Variants in PITPNC1 observed in about 807,000 individuals in gnomAD.
The protein encoded by PITPNC1 is cytoplasmic phosphatidylinositol transfer protein 1.
A neutral mutation model predicts 44.7 loss-of-function variants in PITPNC1; 18 were observed. The observed-to-expected ratio is 0.40, with a 90% CI of 0.28 to 0.60. The LOEUF (loss-of-function observed/expected upper bound fraction) is 0.60, where lower values mean the gene tolerates loss of function less well. Ranked by LOEUF, PITPNC1 falls within the 20% of genes least tolerant of loss-of-function variation. The pLI is 0.39. For missense variants in PITPNC1, 290 were observed against 418.4 expected, an observed-to-expected ratio of 0.69 and a Z score of 2.68; for synonymous variants, 141 against 149.6, an observed-to-expected ratio of 0.94 and a Z score of 0.42.
intron 6 of PITPNC1, among the ~76,000 whole-genome samples, chr17:67,647,457 ATTTTGGGT>A (rs1314008608): frequency 2.1e-5 from 2 of 94,020 alleles, no homozygotes; most frequent in African/African-American, 4.6e-5. Context: ...CACCCAGCTA[ATTTTGGGT>A]TTTTTTTTTT....
At chr17:67,622,118 G>A (rs1209159247) in intron 5 of PITPNC1, among the ~76,000 whole-genome samples, 7 of 151,998 alleles carry the variant, frequency 4.6e-5, no homozygotes, top group Non-Finnish European at 7.4e-5. Context: ...TTAGCTGGGC[G>A]CGGTGGTGGG....
intron 1 of PITPNC1, chr17:67,379,109 T>C (rs1177172907): frequency 1.0e-6 from 1 of 986,024 alleles, no homozygotes; most frequent in Middle Eastern, 5.2e-4. Context: ...TTGTGGTGAT[T>C]CCACGACTGC....
intron 5 of PITPNC1, among the ~76,000 whole-genome samples, chr17:67,616,879 G>C (rs117135708): frequency 6.6e-6 from 1 of 152,118 alleles, no homozygotes; most frequent in Non-Finnish European, 1.5e-5. Flanking sequence ...GATGAGCCAC[G>C]CCTGAAGTTA....
At chr17:67,425,197 GCACACGCACACACACA>G (rs1193613359) in intron 1 of PITPNC1, among the ~76,000 whole-genome samples, 1,414 of 98,450 alleles carry the variant, frequency 0.014, 124 homozygotes, top group African/African-American at 0.04. Flanking sequence ...GCGCGCGCAC[GCACACGCACACACACA>G]CACACACACA....
At chr17:67,632,115 C>T in intron 5 of PITPNC1, 28 bp from the exon 6 acceptor site, 4 of 1,452,176 alleles carry the variant, frequency 2.8e-6, no homozygotes, top group Non-Finnish European at 2.9e-6. Context: ...CTATCACTAA[C>T]CTTTGATATG....
At chr17:67,474,261 C>G (rs891034795) in intron 1 of PITPNC1, among the ~76,000 whole-genome samples, 1 of 152,154 alleles carries the variant, frequency 6.6e-6, no homozygotes, top group Non-Finnish European at 1.5e-5. Flanking sequence ...ATTTCCATGT[C>G]AGGAAGGAGA....
At chr17:67,418,836 C>G (rs1432139134) in intron 1 of PITPNC1, among the ~76,000 whole-genome samples, 1 of 152,178 alleles carries the variant, frequency 6.6e-6, no homozygotes, top group Non-Finnish European at 1.5e-5. Context: ...GCCGGGATTA[C>G]AGGCGTGAGC....
rs2037890837 is a variant in PITPNC1 at position 67,377,609 on chromosome 17, G to A, written c.-546G>A. ...TGTTTACCGCCCGCGGAGAGAAGCC[G>A]ATCGAGCCTTTGTCTGGAAAGTCAG... is the stretch of plus-strand genomic sequence containing the variant. On this transcript the variant is annotated 5_prime_UTR_variant, in exon 1 of 9. Transcript: ENST00000581322. The A allele has an allele frequency of 6.5e-6, 1 of 152,766 alleles. No homozygotes were observed. Among genetic ancestry groups the A allele is most frequent in the Admixed American group, 6.5e-5 (1 of 15,284 alleles). 9.5% of individuals were successfully genotyped at this position (152,766 alleles called of 1,614,324 possible). A position where few individuals can be genotyped will look rare whatever the true frequency, so the allele number is the denominator to read the frequency against.
At chr17:67,397,925 C>T (rs1211102031) in intron 1 of PITPNC1, among the ~76,000 whole-genome samples, 1 of 152,016 alleles carries the variant, frequency 6.6e-6, no homozygotes, top group Non-Finnish European at 1.5e-5. Context: ...AACCCTGTCT[C>T]GACTAAAAAT....
intron 5 of PITPNC1, among the ~76,000 whole-genome samples, chr17:67,624,725 G>A (rs1279148749): frequency 3.3e-5 from 5 of 151,682 alleles, no homozygotes; most frequent in African/African-American, 1.2e-4. Context: ...GTTTTGCCAT[G>A]TTGCCTAGGC....
At chr17:67,647,702 T>A (rs148135628) in intron 6 of PITPNC1, among the ~76,000 whole-genome samples, 1 of 152,084 alleles carries the variant, frequency 6.6e-6, no homozygotes, top group Non-Finnish European at 1.5e-5. Flanking sequence ...CTTTTCTCAC[T>A]TTAGCATCCA....
chr17:67,552,326 T>C lies in PITPNC1; in HGVS notation c.267T>C (p.Tyr89=). Residue 89 remains tyrosine (Y), a synonymous_variant, in exon 3 of 9, where the codon TAT becomes TAC. Coordinates refer to ENST00000581322, the MANE Select transcript of PITPNC1 (RefSeq NM_012417.4). ...ATGTGACAGAGAAGGCTTGGAACTA[T>C]TATCCCTACACAATTACAGGTAAGT... ...IFYVTEKAWN[Y]YPYTITEYTC... 6.3e-7 allele frequency: 1 copy of C among 1,584,274 alleles called. No individual in the cohort carries two copies. The highest frequency in any genetic ancestry group is 2.2e-5 in the East Asian group (1 of 44,742).
At chr17:67,459,118 T>C (rs1056445976) in intron 1 of PITPNC1, among the ~76,000 whole-genome samples, 36 of 143,536 alleles carry the variant, frequency 2.5e-4, no homozygotes, top group East Asian at 5.9e-4. Context: ...TTTTTCTTTT[T>C]TTTTTTTTTT....
intron 4 of PITPNC1, among the ~76,000 whole-genome samples, chr17:67,559,442 C>T (rs1021844656): frequency 6.6e-6 from 1 of 152,172 alleles, no homozygotes; most frequent in African/African-American, 2.4e-5. Context: ...TCACAATTAA[C>T]CCTCGATATT....
At chr17:67,587,222 C>G (rs538709491) in intron 5 of PITPNC1, among the ~76,000 whole-genome samples, 12 of 152,012 alleles carry the variant, frequency 7.9e-5, no homozygotes, top group Admixed American at 6.6e-5. Context: ...TGTTGTGGCT[C>G]TCACCTGTAA....
chr17:67,448,091 G>A (rs1223738410), intron 1 of PITPNC1, among the ~76,000 whole-genome samples: 2 of 151,816 alleles, frequency 1.3e-5, no homozygotes, highest in South Asian at 2.1e-4. Context: ...GATTAAAGGC[G>A]CACACCACCA....
chr17:67,538,705 G>C (rs1266702332), intron 2 of PITPNC1, among the ~76,000 whole-genome samples: 1 of 151,986 alleles, frequency 6.6e-6, no homozygotes, highest in Admixed American at 6.5e-5. Flanking sequence ...TTGGAGAGTA[G>C]ACTAGAACTA....
At chr17:67,686,510 C>T (rs1029518792) in intron 8 of PITPNC1, among the ~76,000 whole-genome samples, 2 of 152,024 alleles carry the variant, frequency 1.3e-5, no homozygotes, top group African/African-American at 4.8e-5. Context: ...CACTCTCTGA[C>T]GCCATGCATT....
In PITPNC1 at chr17:67,687,084, T is replaced by G. The variant is rs1441818978; in HGVS notation, c.683-5488T>G. 4 of 1,607,902 alleles carry G rather than the reference T, an allele frequency of 2.5e-6. No individual in the cohort carries two copies. The African/African-American group carries it at 5.3e-5, about 21-fold the overall frequency. On this transcript the variant is annotated intron_variant, in intron 8 of 8. Coordinates refer to ENST00000581322, the MANE Select transcript of PITPNC1 (RefSeq NM_012417.4). ...CTTTCAGATATGACAATGGATGATG[T>G]TCGGGAATACGAGAAAAACATGCAT...
Sources: allele counts gnomAD v4.1 joint callset (sites outside exome capture counted in the v4.1 genomes callset), GRCh38; gene constraint gnomAD v4.1.1; transcripts MANE v1.5; gene names NCBI Gene and HGNC (gene_info 2026-07-23, HGNC 2026-07-21).